The following FAM53B variants were observed in gnomAD, a reference collection of about 807,000 sequenced individuals.
FAM53B encodes the protein protein FAM53B.
FAM53B carries 12 observed loss-of-function variants against 32.7 expected under a neutral mutation model. The ratio of observed to expected loss-of-function variants is 0.37; its 90% confidence interval spans 0.24 to 0.59. FAM53B has a LOEUF of 0.59. FAM53B is among the 20% of genes least tolerant of loss of function. The probability of loss-of-function intolerance (pLI) is 0.72; values close to 1 mark genes in which losing one functional copy is unlikely to be tolerated. For synonymous variants in FAM53B, 234 were observed against 228.7 expected (o/e 1.02, Z -0.21); for missense variants, 477 against 577.7 (o/e 0.83, Z 1.79).
intron 1 of FAM53B, among the ~76,000 whole-genome samples, chr10:124,729,612 T>C (rs1176637240): frequency 6.6e-6 from 1 of 152,200 alleles, no homozygotes; most frequent in Non-Finnish European, 1.5e-5. Flanking sequence ...GGGCATTGTT[T>C]AAGGTGTGAA....
Position 124,675,909 on chromosome 10 carries a change from G to A in FAM53B, c.906+5698C>T, listed in dbSNP as rs555933285. 2.0e-5 allele frequency among the ~76,000 whole-genome samples: 3 copies of A among 152,338 alleles called. No individual in the cohort carries two copies. In the East Asian group the frequency reaches 5.8e-4, roughly 29 times the overall value. ...GATTAGAACAGAGATGGTGGATGAC[G>A]TTCAATTACCCATCAATTAGCAATG... On this transcript the variant is annotated intron_variant, in intron 4 of 4. Transcript: ENST00000337318.
At chr10:124,628,980 C>T (rs3781471) in intron 4 of FAM53B, among the ~76,000 whole-genome samples, 2 of 152,374 alleles carry the variant, frequency 1.3e-5, no homozygotes, top group South Asian at 2.1e-4. Context: ...GTCACTGGCA[C>T]GAGAATCCCC....
chr10:124,626,798 G>A (rs2134035690), intron 4 of FAM53B, among the ~76,000 whole-genome samples: 1 of 152,336 alleles, frequency 6.6e-6, no homozygotes, highest in African/African-American at 2.4e-5. Context: ...AAGGGGCTGA[G>A]GTCAGACAGG....
intron 3 of FAM53B, among the ~76,000 whole-genome samples, chr10:124,686,240 C>A (rs1949802215): frequency 6.6e-6 from 1 of 152,178 alleles, no homozygotes; most frequent in African/African-American, 2.4e-5. Flanking sequence ...GGCTGGAAGT[C>A]CAGCTTGCTG....
chr10:124,684,238 C>G (rs1949789717), intron 3 of FAM53B, among the ~76,000 whole-genome samples: 1 of 152,258 alleles, frequency 6.6e-6, no homozygotes, highest in Non-Finnish European at 1.5e-5. Context: ...CAAAGCAAGA[C>G]TGTCGCTAAA....
chr10:124,653,448 G>A (rs999019461), intron 4 of FAM53B, among the ~76,000 whole-genome samples: 6 of 152,292 alleles, frequency 3.9e-5, no homozygotes, highest in African/African-American at 1.4e-4. Flanking sequence ...GCACTGCCAG[G>A]GTCCCGGATG....
At chr10:124,652,950 A>G (rs1427066712) in intron 4 of FAM53B, among the ~76,000 whole-genome samples, 1 of 152,196 alleles carries the variant, frequency 6.6e-6, no homozygotes, top group African/African-American at 2.4e-5. Flanking sequence ...AGCTGTAGAC[A>G]AAATGGCCCT....
At chr10:124,667,444 G>A in intron 4 of FAM53B, 3 of 762,656 alleles carry the variant, frequency 3.9e-6, no homozygotes, top group East Asian at 2.5e-5. Context: ...TACAACAGGT[G>A]AGTTTCTTCT....
intron 4 of FAM53B, among the ~76,000 whole-genome samples, chr10:124,642,478 T>A (rs1311441776): frequency 6.6e-6 from 1 of 152,234 alleles, no homozygotes; most frequent in East Asian, 1.9e-4. Flanking sequence ...TCAAGCCTGA[T>A]GACTCCCATC....
chr10:124,666,208 GCAAAC>G (rs1295169181), intron 4 of FAM53B, among the ~76,000 whole-genome samples: 2 of 152,236 alleles, frequency 1.3e-5, no homozygotes, highest in African/African-American at 4.8e-5. Flanking sequence ...GAAGGGTGGG[GCAAAC>G]CAGAGCCACA....
Position 124,631,683 on chromosome 10 carries a change from G to A in FAM53B, c.907-8079C>T, listed in dbSNP as rs1349257062. The stretch of plus-strand genomic sequence containing the variant: ...TCAGGCTCTGCTTCCTGGGCCCTCC[G>A]CCCTTGCTGCTCCCACTCAGGCTCT... On this transcript the variant is annotated intron_variant, in intron 4 of 4. Transcript: ENST00000337318. 4.6e-5 allele frequency among the ~76,000 whole-genome samples: 7 copies of A among 152,180 alleles called. No individual in the cohort carries two copies. The East Asian group carries it at 1.4e-3, about 29-fold the overall frequency.
intron 1 of FAM53B, chr10:124,713,814 A>T (rs1197066250): frequency 6.6e-6 from 1 of 152,212 alleles, no homozygotes; most frequent in Non-Finnish European, 1.5e-5. Flanking sequence ...AAACCTAAAC[A>T]TGAGAACTCA....
chr10:124,650,105 C>CAG (rs1483450250), intron 4 of FAM53B, among the ~76,000 whole-genome samples: 2 of 152,156 alleles, frequency 1.3e-5, no homozygotes, highest in Non-Finnish European at 2.9e-5. Flanking sequence ...AATTATCGAT[C>CAG]AGATGACTTA....
chr10:124,625,181 G>A (rs1024770982), intron 4 of FAM53B, among the ~76,000 whole-genome samples: 4 of 152,244 alleles, frequency 2.6e-5, no homozygotes, highest in African/African-American at 9.6e-5. Context: ...CTCAGCGGAT[G>A]GGAAATAAAA....
In FAM53B at chr10:124,632,509, T is replaced by C. The variant is rs555886308; in HGVS notation, c.907-8905A>G. Among the ~76,000 whole-genome samples, 5 of 152,350 alleles carry C rather than the reference T, an allele frequency of 3.3e-5. No individual in the cohort carries two copies. In the South Asian group the frequency reaches 1.0e-3, roughly 32 times the overall value. On this transcript the variant is annotated intron_variant, in intron 4 of 4. Transcript: ENST00000337318. ...GGCTCACAGTTTTGGGGGTGGCTTC[T>C]GAGCAGGACTAGCGATGCAGAAGGT...
intron 1 of FAM53B, among the ~76,000 whole-genome samples, chr10:124,740,867 G>GTC (rs1190684171): frequency 6.6e-6 from 1 of 152,206 alleles, no homozygotes; most frequent in Non-Finnish European, 1.5e-5. Context: ...GAGGAGGAGA[G>GTC]TCCAGCAGAG....
At chr10:124,652,472 C>T (rs1405560199) in intron 4 of FAM53B, among the ~76,000 whole-genome samples, 2 of 152,172 alleles carry the variant, frequency 1.3e-5, no homozygotes, top group African/African-American at 2.4e-5. Context: ...CACAGCTGCA[C>T]TCACATCTGG....
intron 4 of FAM53B, among the ~76,000 whole-genome samples, chr10:124,640,236 C>T (rs1459421796): frequency 2.0e-5 from 3 of 152,232 alleles, no homozygotes; most frequent in Non-Finnish European, 4.4e-5. Flanking sequence ...GGCTTGTCTG[C>T]GAGTGTGAGG....
intron 2 of FAM53B, among the ~76,000 whole-genome samples, chr10:124,697,090 T>G (rs947576623): frequency 3.3e-5 from 5 of 152,076 alleles, no homozygotes; most frequent in Non-Finnish European, 7.4e-5. Context: ...CTCGGTCCTC[T>G]CATGAGCAGA....
Sources: gnomAD v4.1 joint callset for allele counts (sites outside exome capture counted in the v4.1 genomes callset) on GRCh38, gnomAD v4.1.1 for gene constraint, MANE v1.5 for transcripts, NCBI Gene and HGNC (gene_info 2026-07-23, HGNC 2026-07-21) for gene names.